The following TMEM178B variants were observed in gnomAD, a reference collection of about 807,000 sequenced individuals.
The protein encoded by TMEM178B is transmembrane protein 178B.
In TMEM178B, 5 loss-of-function variants were observed where a neutral mutation model predicts 31.0. The ratio of observed to expected loss-of-function variants is 0.16; its 90% confidence interval spans 0.08 to 0.34. The LOEUF (loss-of-function observed/expected upper bound fraction) is 0.34. TMEM178B is among the 10% of genes least tolerant of loss of function. The pLI is 1.00. For synonymous variants in TMEM178B, 164 were observed against 164.0 expected, an observed-to-expected ratio of 1.00 and a Z score of 0.00; for missense variants, 275 against 400.3, an observed-to-expected ratio of 0.69 and a Z score of 2.67.
rs549013195 is a variant in TMEM178B, at chr7:141,107,060, A to G, written c.382+32368A>G. On this transcript the variant is annotated intron_variant, in intron 1 of 3. Transcript: ENST00000565468. Reference sequence around the variant, plus strand: ...AAGAAGAGCTCACTAAGAAGATGACATTGAGGGAGATACAGGACTAAGAAA... The same window carrying G: ...AAGAAGAGCTCACTAAGAAGATGACGTTGAGGGAGATACAGGACTAAGAAA... Among the ~76,000 whole-genome samples the G allele has an allele frequency of 2.0e-5, 3 of 152,354 alleles. No individual in the cohort carries two copies. In the South Asian group the frequency reaches 6.2e-4, roughly 32 times the overall value.
At chr7:141,256,391 A>G (rs1249597594) in intron 2 of TMEM178B, among the ~76,000 whole-genome samples, 2 of 152,214 alleles carry the variant, frequency 1.3e-5, no homozygotes, top group African/African-American at 4.8e-5. Flanking sequence ...ACTTGGGGGA[A>G]GAGCCTTACA....
intron 2 of TMEM178B, among the ~76,000 whole-genome samples, chr7:141,349,987 CCATCCATCCATG>C (rs1482183843): frequency 7.5e-6 from 1 of 133,762 alleles, no homozygotes; most frequent in Non-Finnish European, 1.7e-5. Flanking sequence ...ATCCATCCAT[CCATCCATCCATG>C]CATGCATCCA....
chr7:141,336,930 C>G (rs187228828), intron 2 of TMEM178B, among the ~76,000 whole-genome samples: 2 of 111,586 alleles, frequency 1.8e-5, no homozygotes, highest in African/African-American at 3.7e-5. Context: ...ACCACCACCA[C>G]CATCACCACC....
chr7:141,158,246 C>T (rs1034073724), intron 1 of TMEM178B, among the ~76,000 whole-genome samples: 2 of 152,158 alleles, frequency 1.3e-5, no homozygotes, highest in African/African-American at 4.8e-5. Flanking sequence ...CAGCCATGCA[C>T]CACCATGCCC....
intron 2 of TMEM178B, among the ~76,000 whole-genome samples, chr7:141,321,128 A>C (rs1244354474): frequency 6.6e-6 from 1 of 152,178 alleles, no homozygotes; most frequent in East Asian, 1.9e-4. Flanking sequence ...GAAGTTAAGA[A>C]CACAGTTACA....
chr7:141,450,002 G>A (rs192582516), intron 3 of TMEM178B, among the ~76,000 whole-genome samples: 60 of 152,290 alleles, frequency 3.9e-4, no homozygotes, highest in African/African-American at 1.3e-3. Flanking sequence ...CAGAGTCTGG[G>A]CTACTGGGAC....
intron 1 of TMEM178B, among the ~76,000 whole-genome samples, chr7:141,180,493 A>G (rs1027461044): frequency 6.6e-6 from 1 of 151,712 alleles, no homozygotes; most frequent in South Asian, 2.1e-4. Flanking sequence ...AGAAAGAAAG[A>G]AAAAGAAAAT....
intron 2 of TMEM178B, among the ~76,000 whole-genome samples, chr7:141,243,551 A>G (rs889664299): frequency 4.6e-5 from 7 of 152,052 alleles, no homozygotes; most frequent in African/African-American, 1.7e-4. Flanking sequence ...GTGAGGCAGG[A>G]ACCTCAGGTT....
intron 2 of TMEM178B, among the ~76,000 whole-genome samples, chr7:141,321,424 T>C (rs1190082656): frequency 1.3e-5 from 2 of 152,202 alleles, no homozygotes; most frequent in African/African-American, 4.8e-5. Context: ...CCACACACTG[T>C]GCTGGTCACT....
chr7:141,204,293 A>T (rs1279204040), intron 1 of TMEM178B, among the ~76,000 whole-genome samples: 1 of 152,168 alleles, frequency 6.6e-6, no homozygotes, highest in African/African-American at 2.4e-5. Context: ...ACTGTGAGAA[A>T]GCATCTCATA....
chr7:141,144,473 T>A (rs1476895176), intron 1 of TMEM178B, among the ~76,000 whole-genome samples: 1 of 152,196 alleles, frequency 6.6e-6, no homozygotes, highest in Non-Finnish European at 1.5e-5. Flanking sequence ...TTTTCTCTGT[T>A]GAAGGTAACA....
chr7:141,290,171 C>G (rs889360327), intron 2 of TMEM178B, among the ~76,000 whole-genome samples: 1 of 152,180 alleles, frequency 6.6e-6, no homozygotes, highest in Non-Finnish European at 1.5e-5. Flanking sequence ...AGTTTCTGCA[C>G]CCATAGAGCA....
intron 2 of TMEM178B, among the ~76,000 whole-genome samples, chr7:141,228,572 GC>G (rs1797383613): frequency 6.6e-6 from 1 of 152,120 alleles, no homozygotes; most frequent in Non-Finnish European, 1.5e-5. Flanking sequence ...AAATTACATG[GC>G]CAAAGGACAC....
At chr7:141,231,514 G>A (rs994115663) in intron 2 of TMEM178B, among the ~76,000 whole-genome samples, 2 of 152,048 alleles carry the variant, frequency 1.3e-5, no homozygotes, top group East Asian at 1.9e-4. Flanking sequence ...AAATAATTCC[G>A]CACCCAGTGC....
chr7:141,342,034 G>A (rs574444088), intron 2 of TMEM178B, among the ~76,000 whole-genome samples: 23 of 152,180 alleles, frequency 1.5e-4, no homozygotes, highest in East Asian at 7.7e-4. Flanking sequence ...TGCAACCTCC[G>A]CCTCCTGGGT....
At chr7:141,253,356 C>T (rs560775944) in intron 2 of TMEM178B, among the ~76,000 whole-genome samples, 4 of 152,238 alleles carry the variant, frequency 2.6e-5, no homozygotes, top group Admixed American at 6.5e-5. Context: ...CTCCTTTCTC[C>T]GGGGTGTTTG....
chr7:141,462,011 A>G (rs1294375836), intron 3 of TMEM178B, among the ~76,000 whole-genome samples: 5 of 152,174 alleles, frequency 3.3e-5, no homozygotes, highest in Admixed American at 2.6e-4. Context: ...CAGGGATCCA[A>G]GTTTCTGTTT....
rs1454571812 is a variant in TMEM178B at position 141,318,274 on chromosome 7, G to GTA, written c.496+105572_496+105573dup. Among the ~76,000 whole-genome samples, 2 of 152,170 alleles carry GTA rather than the reference G, an allele frequency of 1.3e-5. No homozygotes were observed. The highest frequency in any genetic ancestry group is 4.8e-5 in the African/African-American group (2 of 41,438). ...TGAATGTTGAGCCTGTAAAGATAAA[G>GTA]TATGATGATGGCTGGCCATTCTTTC... On this transcript the variant is annotated intron_variant, in intron 2 of 3. Transcript: ENST00000565468. The surrounding 1 kb of genome is among the most constrained non-coding windows in gnomAD (Gnocchi z 4.1).
chr7:141,085,450 G>A (rs1794765211), intron 1 of TMEM178B, among the ~76,000 whole-genome samples: 1 of 152,042 alleles, frequency 6.6e-6, no homozygotes, highest in Admixed American at 6.6e-5. Context: ...GGAGACTGCA[G>A]TATCTGAATT....
Sources: gnomAD v4.1 joint callset for allele counts (sites outside exome capture counted in the v4.1 genomes callset) on GRCh38, gnomAD v4.1.1 for gene constraint, Gnocchi (gnomAD v3.1) non-coding constraint, MANE v1.5 for transcripts, NCBI Gene and HGNC (gene_info 2026-07-23, HGNC 2026-07-21) for gene names.